The following FSTL4 variants were observed in gnomAD, a reference collection of about 807,000 sequenced individuals.
FSTL4 encodes follistatin like 4.
FSTL4 carries 28 observed loss-of-function variants against 78.2 expected under a neutral mutation model. That is an observed-to-expected ratio of 0.36 (90% CI 0.27 to 0.49). The LOEUF is 0.49. Ranked by LOEUF, FSTL4 falls within the 20% of genes least tolerant of loss-of-function variation. The probability of loss-of-function intolerance (pLI) is 0.98; values close to 1 mark genes in which losing one functional copy is unlikely to be tolerated. For missense variants in FSTL4, 922 were observed against 1,084.9 expected (o/e 0.85, Z 2.11); for synonymous variants, 422 against 440.5 (o/e 0.96, Z 0.53).
At chr5:133,752,407 A>T in the FSTL4 span, among the ~76,000 whole-genome samples, 1 of 152,088 alleles carries the variant, frequency 6.6e-6, no homozygotes, top group Non-Finnish European at 1.5e-5. Context: ...TCATAAGGTC[A>T]GGAGTTTGAG....
At chr5:133,753,577 G>A in the FSTL4 span, among the ~76,000 whole-genome samples, 2 of 152,308 alleles carry the variant, frequency 1.3e-5, no homozygotes, top group Admixed American at 1.3e-4. Flanking sequence ...GGGCTGGCCA[G>A]GGGACTGGAC....
At chr5:133,400,653 A>T in intron 4 of FSTL4, 85 bp downstream of exon 4, 1 of 1,226,296 alleles carries the variant, frequency 8.2e-7, no homozygotes, top group East Asian at 2.3e-5. Flanking sequence ...TAACTTGTAG[A>T]CTCAGCACCC....
chr5:133,640,692 G>T, the FSTL4 span, among the ~76,000 whole-genome samples: 2 of 152,164 alleles, frequency 1.3e-5, no homozygotes, highest in African/African-American at 4.8e-5. Flanking sequence ...ATGAAAATAA[G>T]AATGGGATAA....
the FSTL4 span, among the ~76,000 whole-genome samples, chr5:133,671,700 A>C: frequency 6.6e-6 from 1 of 152,180 alleles, no homozygotes; most frequent in Non-Finnish European, 1.5e-5. Context: ...ATTTGTCCTG[A>C]TTGGCTAGCA....
At chr5:133,536,248 A>C (rs566378913) in intron 3 of FSTL4, among the ~76,000 whole-genome samples, 1 of 152,332 alleles carries the variant, frequency 6.6e-6, no homozygotes, top group South Asian at 2.1e-4. Context: ...AGTCAGAAAT[A>C]AACCTCAATT....
chr5:133,681,032 C>A, the FSTL4 span, among the ~76,000 whole-genome samples: 1 of 152,210 alleles, frequency 6.6e-6, no homozygotes, highest in African/African-American at 2.4e-5. Context: ...GAAGGCTGGA[C>A]AGAGCAGAGG....
chr5:133,272,263 A>G (rs1281132251), intron 6 of FSTL4, among the ~76,000 whole-genome samples: 2 of 152,240 alleles, frequency 1.3e-5, no homozygotes, highest in Non-Finnish European at 2.9e-5. Flanking sequence ...TGAAGCCAAC[A>G]ACCAAAGGAA....
the FSTL4 span, among the ~76,000 whole-genome samples, chr5:133,724,586 G>A: frequency 3.9e-5 from 6 of 152,246 alleles, no homozygotes; most frequent in South Asian, 4.1e-4. Flanking sequence ...TTGTCTCTGA[G>A]TTATTGAGTT....
chr5:133,470,454 T>C (rs1039398315), intron 3 of FSTL4, among the ~76,000 whole-genome samples: 2 of 152,154 alleles, frequency 1.3e-5, no homozygotes, highest in African/African-American at 4.8e-5. Context: ...ATTAAAAGCA[T>C]GAGTCTTAGG....
chr5:133,649,342 T>C, the FSTL4 span, among the ~76,000 whole-genome samples: 1 of 152,210 alleles, frequency 6.6e-6, no homozygotes, highest in Non-Finnish European at 1.5e-5. Flanking sequence ...TAGGTTCTTG[T>C]GTATAGAGTT....
the FSTL4 span, among the ~76,000 whole-genome samples, chr5:133,665,162 T>C: frequency 6.6e-6 from 1 of 152,040 alleles, no homozygotes; most frequent in Non-Finnish European, 1.5e-5. Context: ...AAAGTATGAG[T>C]GGGACTTTGA....
rs879677939 is a variant in FSTL4 at position 133,338,425 on chromosome 5, C to T, written c.410-21773G>A. ...GGTGGTCGTTGCTGAGAGTATTTGGCTGCTTCTCCTGCCCCATGCTTTTCT... is the reference window on the plus strand; with the variant it reads ...GGTGGTCGTTGCTGAGAGTATTTGGTTGCTTCTCCTGCCCCATGCTTTTCT... On this transcript the variant is annotated intron_variant, in intron 4 of 15. Coordinates refer to ENST00000265342, the MANE Select transcript of FSTL4 (RefSeq NM_015082.2). The surrounding 1 kb of genome is among the most constrained non-coding windows in gnomAD (Gnocchi z 4.0). Among the ~76,000 whole-genome samples, 4 of 152,152 alleles carry T rather than the reference C, an allele frequency of 2.6e-5. No individual in the cohort carries two copies. The highest frequency in any genetic ancestry group is 9.7e-5 in the African/African-American group (4 of 41,418).
intron 4 of FSTL4, among the ~76,000 whole-genome samples, chr5:133,323,578 T>C (rs190971376): frequency 2.6e-5 from 4 of 152,338 alleles, no homozygotes; most frequent in Non-Finnish European, 5.9e-5. Flanking sequence ...AGGCTGCATG[T>C]CCTGGTAAGC....
the FSTL4 span, among the ~76,000 whole-genome samples, chr5:133,636,102 C>A: frequency 6.6e-6 from 1 of 152,170 alleles, no homozygotes; most frequent in Non-Finnish European, 1.5e-5. Context: ...AAAGAATAAA[C>A]AACCTTAAGG....
chr5:133,750,484 G>A, the FSTL4 span, among the ~76,000 whole-genome samples: 1 of 152,028 alleles, frequency 6.6e-6, no homozygotes, highest in Non-Finnish European at 1.5e-5. Flanking sequence ...CCAGGGTGTG[G>A]CCCCAAAAGT....
chr5:133,688,117 G>T, the FSTL4 span, among the ~76,000 whole-genome samples: 1 of 152,206 alleles, frequency 6.6e-6, no homozygotes, highest in African/African-American at 2.4e-5. Context: ...ACTAAAAATT[G>T]GTGGTTCTAG....
chr5:133,427,498 T>C, intron 3 of FSTL4: 1 of 422,624 alleles, frequency 2.4e-6, no homozygotes, highest in Non-Finnish European at 5.1e-6. Context: ...TGAGTGAGTG[T>C]GTGTTGCGGG....
intron 13 of FSTL4, among the ~76,000 whole-genome samples, chr5:133,215,182 C>T (rs1455235012): frequency 6.6e-6 from 1 of 152,106 alleles, no homozygotes; most frequent in African/African-American, 2.4e-5. Flanking sequence ...AAGAATATCT[C>T]TCTTTATCCT....
At chr5:133,311,312 AG>A (rs1183651299) in intron 6 of FSTL4, among the ~76,000 whole-genome samples, 1 of 152,178 alleles carries the variant, frequency 6.6e-6, no homozygotes, top group Non-Finnish European at 1.5e-5. Flanking sequence ...GAACCAACAT[AG>A]GCAGGTATGA....
Sources: gnomAD v4.1 joint callset for allele counts (sites outside exome capture counted in the v4.1 genomes callset) on GRCh38, gnomAD v4.1.1 for gene constraint, Gnocchi (gnomAD v3.1) non-coding constraint, MANE v1.5 for transcripts, NCBI Gene and HGNC (gene_info 2026-07-23, HGNC 2026-07-21) for gene names.